The following VIPR2 variants were observed in gnomAD, a reference collection of about 807,000 sequenced individuals.
VIPR2 encodes the protein vasoactive intestinal peptide receptor 2, also known as vasoactive intestinal polypeptide receptor 2.
VIPR2 carries 48 observed loss-of-function variants against 58.0 expected under a neutral mutation model. The observed-to-expected ratio is 0.83, with a 90% CI of 0.66 to 1.05. The LOEUF (loss-of-function observed/expected upper bound fraction) is 1.05. VIPR2 is among the 50% of genes least tolerant of loss of function. The probability of loss-of-function intolerance (pLI) is 0.00; values close to 1 mark genes in which losing one functional copy is unlikely to be tolerated. For missense variants in VIPR2, 534 were observed against 558.0 expected (o/e 0.96, Z 0.43); for synonymous variants, 243 against 235.2 (o/e 1.03, Z -0.30).
At chr7:159,117,828 C>G (rs1253345763) in intron 2 of VIPR2, among the ~76,000 whole-genome samples, 1 of 152,206 alleles carries the variant, frequency 6.6e-6, no homozygotes, top group African/African-American at 2.4e-5. Context: ...CCAGACAGGG[C>G]TGGGGAACAG....
At chr7:159,118,753 TG>T (rs1207403516) in intron 2 of VIPR2, among the ~76,000 whole-genome samples, 1 of 152,236 alleles carries the variant, frequency 6.6e-6, no homozygotes, top group Non-Finnish European at 1.5e-5. Context: ...GGTGATTCTT[TG>T]TATAAAATCT....
chr7:159,052,337 A>C (rs995941979), intron 5 of VIPR2, among the ~76,000 whole-genome samples: 4 of 152,234 alleles, frequency 2.6e-5, no homozygotes, highest in African/African-American at 7.2e-5. Flanking sequence ...GAAAAGTACA[A>C]CTTAGCAGAA....
At chr7:159,076,276 G>C (rs1856632482) in intron 4 of VIPR2, among the ~76,000 whole-genome samples, 1 of 152,224 alleles carries the variant, frequency 6.6e-6, no homozygotes, top group South Asian at 2.1e-4. Flanking sequence ...GTTGCTTGTA[G>C]ATCGTGTAAG....
intron 4 of VIPR2, among the ~76,000 whole-genome samples, chr7:159,058,971 G>T (rs1855481430): frequency 6.6e-6 from 1 of 152,250 alleles, no homozygotes; most frequent in African/African-American, 2.4e-5. Flanking sequence ...TGGACACACA[G>T]GTCTGAGTGT....
At chr7:159,135,020 T>G (rs985808175) in intron 2 of VIPR2, among the ~76,000 whole-genome samples, 1 of 138,100 alleles carries the variant, frequency 7.2e-6, no homozygotes, top group African/African-American at 2.9e-5. Context: ...TTTTTTTTTT[T>G]TTTTTTTTTT....
intron 2 of VIPR2, among the ~76,000 whole-genome samples, chr7:159,136,836 C>T (rs1369203553): frequency 6.6e-6 from 1 of 152,068 alleles, no homozygotes; most frequent in African/African-American, 2.4e-5. Context: ...ACTGCTGTGG[C>T]CATGTGGAGA....
At chr7:159,032,521 G>A (rs6459918) in intron 10 of VIPR2, among the ~76,000 whole-genome samples, 2,098 of 152,326 alleles carry the variant, frequency 0.014, 45 homozygotes, top group African/African-American at 0.047. Context: ...GCTCGTAACA[G>A]CTGGGCTCCG....
intron 7 of VIPR2, among the ~76,000 whole-genome samples, 182 bp from the exon 8 acceptor site, chr7:159,036,194 ATAAT>A (rs1202895888): frequency 1.3e-5 from 2 of 152,240 alleles, no homozygotes; most frequent in African/African-American, 4.8e-5. Flanking sequence ...AGCAGTGAAG[ATAAT>A]TAAACACACG....
intron 4 of VIPR2, among the ~76,000 whole-genome samples, chr7:159,063,270 C>T (rs1254458104): frequency 2.6e-5 from 4 of 152,110 alleles, no homozygotes; most frequent in East Asian, 1.9e-4. Flanking sequence ...CTGCAGGTCC[C>T]GAGCCCTGCC....
intron 4 of VIPR2, among the ~76,000 whole-genome samples, chr7:159,080,185 T>C (rs930160185): frequency 6.6e-6 from 1 of 152,190 alleles, no homozygotes; most frequent in African/African-American, 2.4e-5. Context: ...TTTAGACCAA[T>C]ATCCTTGATG....
intron 5 of VIPR2, among the ~76,000 whole-genome samples, chr7:159,053,308 T>C (rs1466745837): frequency 6.6e-6 from 1 of 152,074 alleles, no homozygotes; most frequent in South Asian, 2.1e-4. Flanking sequence ...GAAATGGAAT[T>C]TAACAAAATA....
At chr7:159,071,982 C>T (rs767632352) in intron 4 of VIPR2, among the ~76,000 whole-genome samples, 8 of 143,694 alleles carry the variant, frequency 5.6e-5, no homozygotes, top group Admixed American at 1.4e-4. Context: ...CCCTGCAGCA[C>T]CTGCTGGATG....
chr7:159,050,901 A>G (rs1402573206), intron 5 of VIPR2, among the ~76,000 whole-genome samples: 2 of 152,254 alleles, frequency 1.3e-5, no homozygotes, highest in East Asian at 1.9e-4. Flanking sequence ...CACTGCCTCA[A>G]AGGAACAATG....
rs1855952275 is a variant in VIPR2, at chr7:159,064,270, C to T, written c.358-5692G>A. Among the ~76,000 whole-genome samples the T allele has an allele frequency of 2.0e-5, 3 of 152,040 alleles. No individual in the cohort carries two copies. The South Asian group carries it at 6.2e-4, about 32-fold the overall frequency. On this transcript the variant is annotated intron_variant, in intron 4 of 12. Coordinates refer to ENST00000262178, the MANE Select transcript of VIPR2 (RefSeq NM_003382.5). ...GAGCCCCGGTCCCCTGCCCCGGAGC[C>T]ACTGGGGCCTGGCTGAGGCGACCCT... is the stretch of plus-strand genomic sequence containing the variant.
intron 4 of VIPR2, among the ~76,000 whole-genome samples, chr7:159,102,426 T>C (rs577159583): frequency 6.6e-5 from 10 of 152,360 alleles, no homozygotes; most frequent in Admixed American, 3.3e-4. Flanking sequence ...CTGTTTCTTA[T>C]AAATTACCCA....
chr7:159,077,956 G>A (rs183454702), intron 4 of VIPR2, among the ~76,000 whole-genome samples: 10 of 152,288 alleles, frequency 6.6e-5, no homozygotes, highest in Non-Finnish European at 1.5e-5. Context: ...CTTCTGACCT[G>A]GAATCACAAG....
At chr7:159,109,734 T>C (rs3793232) in intron 3 of VIPR2, 78 bp downstream of exon 3, 367,351 of 1,359,966 alleles carry the variant, frequency 0.27, 54,616 homozygotes, top group African/African-American at 0.6. Flanking sequence ...GTGATGTTCC[T>C]GCTTCTTGGA....
intron 5 of VIPR2, among the ~76,000 whole-genome samples, chr7:159,054,539 A>G (rs1013321330): frequency 1.3e-5 from 2 of 152,370 alleles, no homozygotes; most frequent in East Asian, 3.9e-4. Flanking sequence ...CTTCAAAAAA[A>G]GCAAGATTTT....
chr7:159,119,075 G>A (rs1312961784), intron 2 of VIPR2, among the ~76,000 whole-genome samples: 2 of 152,206 alleles, frequency 1.3e-5, no homozygotes, highest in Non-Finnish European at 2.9e-5. Flanking sequence ...TGTACCCAGG[G>A]CTGAGGCCCA....
Sources: allele counts gnomAD v4.1 joint callset (sites outside exome capture counted in the v4.1 genomes callset), GRCh38; gene constraint gnomAD v4.1.1; transcripts MANE v1.5; gene names NCBI Gene and HGNC (gene_info 2026-07-23, HGNC 2026-07-21).